The following MAN2C1 variants were observed in gnomAD, a reference collection of about 807,000 sequenced individuals.
The protein encoded by MAN2C1 is mannosidase alpha class 2C member 1, also known as alpha-mannosidase 2C1.
MAN2C1 carries 111 observed loss-of-function variants against 126.9 expected under a neutral mutation model. That is an observed-to-expected ratio of 0.87 (90% CI 0.75 to 1.02). MAN2C1 has a LOEUF of 1.02. MAN2C1 is among the 50% of genes least tolerant of loss of function. MAN2C1 has a pLI of 0.00. For missense variants in MAN2C1, 1,363 were observed against 1,364.4 expected (o/e 1.00, Z 0.02); for synonymous variants, 567 against 561.5 (o/e 1.01, Z -0.14).
intron 4 of MAN2C1, among the ~76,000 whole-genome samples, chr15:75,365,390 G>A (rs2141339048): frequency 6.6e-6 from 1 of 152,226 alleles, no homozygotes; most frequent in African/African-American, 2.4e-5. Flanking sequence ...GTTATAACAT[G>A]GAATGTAAGA....
Position 75,359,339 on chromosome 15 carries a change from CG to C in MAN2C1, c.2034del (p.Phe678LeufsTer2). Reference protein sequence around the residue: ...LQPLLPQQPVFVVQETDGSVT... With the variant: ...LQPLLPQQPVXVVQETDGSVT... ...CATGCAGGACTCACCTCTTGCACTA[CG>C]AACACAGGCTGCTGGGGCAGCAGGG... On this transcript the variant is annotated frameshift_variant, in exon 17 of 26. Coordinates refer to ENST00000267978, the MANE Select transcript of MAN2C1 (RefSeq NM_006715.4). LOFTEE classifies it high-confidence loss of function. 6.3e-7 allele frequency: 1 copy of C among 1,593,788 alleles called. No individual in the cohort carries two copies. The highest frequency in any genetic ancestry group is 1.1e-5 in the South Asian group (1 of 87,708).
At chr15:75,365,743 AC>A (rs1468156043) in intron 4 of MAN2C1, 13 of 200,820 alleles carry the variant, frequency 6.5e-5, no homozygotes, top group Non-Finnish European at 9.4e-5. Flanking sequence ...ATCCAAAAAA[AC>A]CCCCCCGAAA....
At position 75,366,528 on chromosome 15, in the gene MAN2C1, G is replaced by A. The variant is rs1320765784; in HGVS notation, c.416C>T (p.Pro139Leu). Reference sequence around the variant, plus strand: ...CCAGGGCACAGGGACTCACCTTCGGGGGTCTCTTTCCCCCAGCCTGTCAGT... The same window carrying A: ...CCAGGGCACAGGGACTCACCTTCGGAGGTCTCTTTCCCCCAGCCTGTCAGT... ...VLTDRLGERD[P>L]RSLTLYVEVA... The change falls in exon 4 of 26, where the codon CCC becomes CTC. Residue 139 changes from proline (P) to leucine (L), a missense_variant. Pro to Leu is a moderately conservative substitution (Grantham distance 98, BLOSUM62 -3). Coordinates refer to ENST00000267978, the MANE Select transcript of MAN2C1 (RefSeq NM_006715.4). The A allele has an allele frequency of 6.8e-6, 11 of 1,613,332 alleles. No individual in the cohort carries two copies. Among genetic ancestry groups the A allele is most frequent in the South Asian group, 2.2e-5 (2 of 90,930 alleles).
At position 75,362,360 on chromosome 15, in the gene MAN2C1, C is replaced by T. The variant is rs776140643; in HGVS notation, c.991G>A (p.Gly331Ser). ...GCACTTACCATCTCCACCCAGGTGC[C>T]CCCCACAGGCACAAACTGCCCACGG... ...ACRGQFVPVG[G>S]TWVEMDGNLP... The change falls in exon 8 of 26, where the codon GGC becomes AGC. Residue 331 changes from glycine to serine, a missense_variant. Gly to Ser is a moderately conservative substitution (Grantham distance 56). This residue lies in a region of MAN2C1 where 628 missense variants were observed against 609.8 expected (regional missense o/e 1.03). Coordinates refer to ENST00000267978, the MANE Select transcript of MAN2C1 (RefSeq NM_006715.4). The surrounding 1 kb of genome is among the most constrained non-coding windows in gnomAD (Gnocchi z 4.5). 3.1e-5 allele frequency: 50 copies of T among 1,613,816 alleles called. No homozygotes were observed. In the South Asian group the frequency reaches 4.9e-4, roughly 16 times the overall value.
Position 75,360,001 on chromosome 15 carries a change from A to AGGGCAGGGATGGGAAGGCTGGGAG in MAN2C1, c.1707-37_1707-14dup. ...CAGAAGAAGGAGCCTGCAGGGGCCA[A>AGGGCAGGGATGGGAAGGCTGGGAG]GGGCAGGGATGGGAAGGCTGGGAGG... On this transcript the variant is annotated splice_polypyrimidine_tract_variant and intron_variant, in intron 14 of 25. Coordinates refer to ENST00000267978, the MANE Select transcript of MAN2C1 (RefSeq NM_006715.4). 6.2e-7 allele frequency: 1 copy of AGGGCAGGGATGGGAAGGCTGGGAG among 1,614,094 alleles called. No homozygotes were observed.
chr15:75,368,201 G>A lies in MAN2C1; in HGVS notation c.102-3C>T. The A allele has an allele frequency of 1.2e-6, 2 of 1,601,108 alleles. No individual in the cohort carries two copies. Among genetic ancestry groups the A allele is most frequent in the Non-Finnish European group, 1.7e-6 (2 of 1,176,320 alleles). ...CAGGGCAGCTGGCCCCAAAAAGCCTGCGTGGGACGGGCCGGTGGGCACATG... is the reference window on the plus strand; with the variant it reads ...CAGGGCAGCTGGCCCCAAAAAGCCTACGTGGGACGGGCCGGTGGGCACATG... On this transcript the variant is annotated splice_polypyrimidine_tract_variant and splice_region_variant and intron_variant, in intron 1 of 25. Coordinates refer to ENST00000267978, the MANE Select transcript of MAN2C1 (RefSeq NM_006715.4).
At chr15:75,360,772 T>A in intron 12 of MAN2C1, 84 bp from the exon 13 acceptor site, 3 of 1,544,740 alleles carry the variant, frequency 1.9e-6, no homozygotes, top group Non-Finnish European at 2.6e-6. Flanking sequence ...AGGATCCAGC[T>A]CCTACAGAGA....
At chr15:75,363,359 T>C in intron 6 of MAN2C1, 1 of 455,644 alleles carries the variant, frequency 2.2e-6, no homozygotes, top group South Asian at 1.6e-5. Flanking sequence ...CTCTCTGGAA[T>C]CCCCCAACCC....
intron 3 of MAN2C1, among the ~76,000 whole-genome samples, chr15:75,367,031 G>C (rs964199821): frequency 2.0e-5 from 3 of 152,156 alleles, no homozygotes; most frequent in Admixed American, 6.5e-5. Context: ...AGGAAGGGAT[G>C]GTCTCTGCCT....
Position 75,356,480 on chromosome 15 carries a change from G to T in MAN2C1, c.2738-31C>A. 6.3e-7 allele frequency: 1 copy of T among 1,576,826 alleles called. No individual in the cohort carries two copies. On this transcript the variant is annotated intron_variant, in intron 23 of 25. Coordinates refer to ENST00000267978, the MANE Select transcript of MAN2C1 (RefSeq NM_006715.4). This position sits in a 1 kb window ranked among gnomAD's most constrained non-coding sequence, Gnocchi z 5.8. ...GTACGACCAGGAAACAATGCTGGTG[G>T]AGAATGGGGGCTACCCTCCCCTGTC...
Position 75,364,952 on chromosome 15 carries a change from C to T in MAN2C1, c.423-287G>A, listed in dbSNP as rs73436831. Among the ~76,000 whole-genome samples the T allele has an allele frequency of 5.4e-3, 830 of 152,374 alleles. 5 individuals are homozygous for T. The highest frequency in any genetic ancestry group is 0.019 in the African/African-American group (772 of 41,578). On this transcript the variant is annotated intron_variant, in intron 4 of 25. Coordinates refer to ENST00000267978, the MANE Select transcript of MAN2C1 (RefSeq NM_006715.4). ...TTTCCAAAGTTGTCTTTGCAAAGCA[C>T]TGCCTTGGTCTTGGAACCCTCTTTG...
At position 75,366,564 on chromosome 15, in the gene MAN2C1, C is replaced by A; in HGVS notation, c.380G>T (p.Ser127Ile). ...CCCCAGCCTGTCAGTCAGGACATAG[C>A]TGGTCTTCTCACCCTCTTTGGTTAA... ...QGLTKEGEKT[S>I]YVLTDRLGER... Residue 127 changes from serine to isoleucine, a missense_variant, in exon 4 of 26, where the codon AGC becomes ATC. Ser to Ile is a moderately radical substitution (Grantham distance 142). Transcript: ENST00000267978. 1.9e-6 allele frequency: 3 copies of A among 1,613,508 alleles called. No individual in the cohort carries two copies. Among genetic ancestry groups the A allele is most frequent in the Non-Finnish European group, 2.5e-6 (3 of 1,179,698 alleles).
intron 18 of MAN2C1, 73 bp from the exon 19 acceptor site, chr15:75,358,881 G>A (rs2072403558): frequency 7.1e-7 from 1 of 1,402,816 alleles, no homozygotes; most frequent in Non-Finnish European, 1.0e-6. Flanking sequence ...GTGGGGTAGG[G>A]TGGAGTGAGT....
At chr15:75,364,230 G>A (rs755189523) in intron 5 of MAN2C1, 42 bp from the exon 6 acceptor site, 2 of 1,564,946 alleles carry the variant, frequency 1.3e-6, no homozygotes, top group African/African-American at 2.8e-5. Flanking sequence ...TTCAAGCACA[G>A]CTTCCAGACC....
chr15:75,363,204 C>T (rs2072510083), intron 6 of MAN2C1: 1 of 456,724 alleles, frequency 2.2e-6, no homozygotes, highest in African/African-American at 2.0e-5. Context: ...ACCTCTCACA[C>T]CTTACCCTAC....
chr15:75,362,707 G>C lies in MAN2C1; in HGVS notation c.832C>G (p.Arg278Gly). The C allele has an allele frequency of 3.1e-6, 5 of 1,614,134 alleles. No homozygotes were observed. Among genetic ancestry groups the C allele is most frequent in the Non-Finnish European group, 4.2e-6 (5 of 1,180,016 alleles). The change falls in exon 7 of 26, where the codon CGG becomes GGG. Residue 278 changes from arginine to glycine, a missense_variant. By Grantham distance (125) the Arg-to-Gly change is moderately radical. This residue lies in a region of MAN2C1 where 628 missense variants were observed against 609.8 expected (regional missense o/e 1.03). Coordinates refer to ENST00000267978, the MANE Select transcript of MAN2C1 (RefSeq NM_006715.4). This position sits in a 1 kb window ranked among gnomAD's most constrained non-coding sequence, Gnocchi z 4.5. ...PFKETVRKCA[R>G]SWVTALQLME... ...AGCTGCAGGGCGGTCACCCAGCTCCGGGCACATTTCCTCACAGTCTCTTTG... is the reference window on the plus strand; with the variant it reads ...AGCTGCAGGGCGGTCACCCAGCTCCCGGCACATTTCCTCACAGTCTCTTTG...
chr15:75,366,531 T>C lies in MAN2C1; in HGVS notation c.413A>G (p.Asp138Gly). The C allele has an allele frequency of 6.2e-7, 1 of 1,613,356 alleles. No individual in the cohort carries two copies. Among genetic ancestry groups the C allele is most frequent in the Non-Finnish European group, 8.5e-7 (1 of 1,179,698 alleles). Residue 138 changes from aspartate to glycine, a missense_variant, in exon 4 of 26, where the codon GAC becomes GGC. Coordinates refer to ENST00000267978, the MANE Select transcript of MAN2C1 (RefSeq NM_006715.4). ...GGGCACAGGGACTCACCTTCGGGGG[T>C]CTCTTTCCCCCAGCCTGTCAGTCAG... The part of the protein sequence containing the change: ...YVLTDRLGER[D>G]PRSLTLYVEV...
At position 75,356,538 on chromosome 15, in the gene MAN2C1, T is replaced by C; in HGVS notation, c.2737+68A>G. The C allele has an allele frequency of 6.4e-7, 1 of 1,550,488 alleles. No individual in the cohort carries two copies. The highest frequency in any genetic ancestry group is 8.7e-7 in the Non-Finnish European group (1 of 1,145,766). On this transcript the variant is annotated intron_variant, in intron 23 of 25. Coordinates refer to ENST00000267978, the MANE Select transcript of MAN2C1 (RefSeq NM_006715.4). This position sits in a 1 kb window ranked among gnomAD's most constrained non-coding sequence, Gnocchi z 5.8. The stretch of plus-strand genomic sequence containing the variant: ...GGGGCAGGAAGCCAGGTTGCTGGGG[T>C]TTGGGCTCAGGGAAGGGCAGAGAGG...
chr15:75,359,964 A>G lies in MAN2C1; in HGVS notation c.1731T>C (p.His577=). 2.5e-6 allele frequency: 4 copies of G among 1,613,898 alleles called. No individual in the cohort carries two copies. Among genetic ancestry groups the G allele is most frequent in the Non-Finnish European group, 3.4e-6 (4 of 1,179,890 alleles). ...LWRLLLLNQF[H]DVVTGSCIQM... The stretch of plus-strand genomic sequence containing the variant: ...GGATGCAGCTTCCAGTCACCACATC[A>G]TGGAACTGGTTCAGAAGAAGGAGCC... The change falls in exon 15 of 26, where the codon CAT becomes CAC. Residue 577 remains histidine (H), a synonymous_variant. Transcript: ENST00000267978.
Sources: allele counts gnomAD v4.1 joint callset (sites outside exome capture counted in the v4.1 genomes callset), GRCh38; gene constraint gnomAD v4.1.1; regional missense constraint gnomAD v4.1.1; non-coding constraint Gnocchi (gnomAD v3.1); transcripts MANE v1.5; gene names NCBI Gene and HGNC (gene_info 2026-07-23, HGNC 2026-07-21).